ERC1: variants seen among roughly 807,000 people sequenced by gnomAD.
ERC1 encodes ELKS/RAB6-interacting/CAST family member 1.
ERC1 carries 56 observed loss-of-function variants against 132.0 expected under a neutral mutation model. The ratio of observed to expected loss-of-function variants is 0.42; its 90% CI spans 0.34 to 0.53. The LOEUF (loss-of-function observed/expected upper bound fraction) is 0.53. Ranked by LOEUF, ERC1 falls within the 20% of genes least tolerant of loss-of-function variation. The pLI is 0.03. For synonymous variants in ERC1, 478 were observed against 476.1 expected (o/e 1.00, Z -0.05); for missense variants, 1,202 against 1,349.9 (o/e 0.89, Z 1.72).
At chr12:1,072,687 AT>A (rs749906382) in intron 2 of ERC1, among the ~76,000 whole-genome samples, 44 of 151,920 alleles carry the variant, frequency 2.9e-4, no homozygotes, top group Middle Eastern at 3.2e-3. Context: ...CTGTGTTTTA[AT>A]TTTAATTTTT....
chr12:1,184,873 C>T (rs556562739), intron 11 of ERC1, among the ~76,000 whole-genome samples: 4 of 152,212 alleles, frequency 2.6e-5, no homozygotes, highest in African/African-American at 9.6e-5. Context: ...CTGCCTCATC[C>T]TCTTGAAGAG....
chr12:1,442,466 A>G (rs2093184032), intron 17 of ERC1, among the ~76,000 whole-genome samples: 1 of 152,150 alleles, frequency 6.6e-6, no homozygotes, highest in Non-Finnish European at 1.5e-5. Context: ...CCACAGCAGA[A>G]CTTTGGTGTT....
chr12:1,248,590 A>G (rs1268267360), intron 13 of ERC1, among the ~76,000 whole-genome samples: 1 of 152,226 alleles, frequency 6.6e-6, no homozygotes, highest in Non-Finnish European at 1.5e-5. Context: ...AAGGGACCTT[A>G]TAGGCCATGA....
chr12:1,330,693 A>G (rs151329228), intron 15 of ERC1, among the ~76,000 whole-genome samples: 43 of 152,164 alleles, frequency 2.8e-4, no homozygotes, highest in African/African-American at 9.6e-4. Context: ...ACATGCAGCC[A>G]TATCTTAAAG....
At chr12:1,093,942 A>AATATATTTTTCTAT (rs1943594201) in intron 3 of ERC1, among the ~76,000 whole-genome samples, 1 of 50,810 alleles carries the variant, frequency 2.0e-5, no homozygotes, top group Non-Finnish European at 4.5e-5. Flanking sequence ...TTTCTATATA[A>AATATATTTTTCTAT]ATATATATAT....
intron 15 of ERC1, among the ~76,000 whole-genome samples, chr12:1,320,333 A>G (rs2082027559): frequency 6.6e-6 from 1 of 152,196 alleles, no homozygotes; most frequent in Admixed American, 6.5e-5. Flanking sequence ...CCAAATGTGT[A>G]TGAAAGTGTG....
chr12:1,438,954 A>AAAAAAAATATATATATATAT (rs1015181197), intron 17 of ERC1, among the ~76,000 whole-genome samples: 1 of 143,580 alleles, frequency 7.0e-6, no homozygotes, highest in African/African-American at 2.6e-5. Flanking sequence ...TTTAAAAAAA[A>AAAAAAAATATATATATATAT]ATATATATAT....
At chr12:1,067,263 C>G (rs1327141547) in intron 2 of ERC1, among the ~76,000 whole-genome samples, 1 of 152,056 alleles carries the variant, frequency 6.6e-6, no homozygotes, top group Non-Finnish European at 1.5e-5. Context: ...GTGTAAAATG[C>G]CAGTGTTTCT....
At chr12:1,401,126 G>GA (rs1566776446) in intron 16 of ERC1, among the ~76,000 whole-genome samples, 40 of 149,324 alleles carry the variant, frequency 2.7e-4, no homozygotes, top group Non-Finnish European at 4.6e-4. Flanking sequence ...TAGTAGAGAC[G>GA]GGGTTTCACG....
chr12:1,156,989 T>C (rs1019486880), intron 8 of ERC1, among the ~76,000 whole-genome samples: 1 of 152,258 alleles, frequency 6.6e-6, no homozygotes, highest in African/African-American at 2.4e-5. Context: ...TTTAACTTCA[T>C]TTATGTATTT....
At chr12:1,001,074 T>C (rs1962164387) in intron 1 of ERC1, among the ~76,000 whole-genome samples, 1 of 152,126 alleles carries the variant, frequency 6.6e-6, no homozygotes, top group Non-Finnish European at 1.5e-5. Context: ...TGGCTAATTT[T>C]TGTTTTTAGT....
At chr12:1,295,435 G>A (rs1049482319) in intron 15 of ERC1, among the ~76,000 whole-genome samples, 8 of 152,100 alleles carry the variant, frequency 5.3e-5, no homozygotes, top group Admixed American at 2.6e-4. Context: ...ACTAGGCTAC[G>A]TGTTCACTGA....
In ERC1 at chr12:996,223, C is replaced by T. The variant is rs1402824951; in HGVS notation, c.-157+4901C>T. 3.0e-5 allele frequency among the ~76,000 whole-genome samples: 4 copies of T among 135,436 alleles called. No homozygotes were observed. In the East Asian group the frequency reaches 8.7e-4, roughly 29 times the overall value. 88.9% of individuals were successfully genotyped at this position (135,436 alleles called of 152,430 possible). On this transcript the variant is annotated intron_variant, in intron 1 of 18. Coordinates refer to ENST00000360905, the MANE Select transcript of ERC1 (RefSeq NM_178040.4). ...GCCTCAGCCTCCGGAGTAGCTGGGA[C>T]TACAGGTGCCCGCCACCATGCCTGG... is the stretch of plus-strand genomic sequence containing the variant.
At position 1,189,791 on chromosome 12, in the gene ERC1, G is replaced by A. The variant is rs1955519318; in HGVS notation, c.2158-68G>A. On this transcript the variant is annotated intron_variant, in intron 11 of 18. Coordinates refer to ENST00000360905, the MANE Select transcript of ERC1 (RefSeq NM_178040.4). ...TACTTAAATTGGAATATAAATCATTGTTTGGGACATGGTTTGCCCATTGCC... is the reference window on the plus strand; with the variant it reads ...TACTTAAATTGGAATATAAATCATTATTTGGGACATGGTTTGCCCATTGCC... The A allele has an allele frequency of 6.5e-6, 8 of 1,227,338 alleles. No homozygotes were observed. The East Asian group carries it at 1.9e-4, about 29-fold the overall frequency. The allele number at this position is 1,227,338 out of a possible 1,614,324, so 76.0% of individuals were successfully genotyped here.
intron 18 of ERC1, among the ~76,000 whole-genome samples, chr12:1,470,332 A>T (rs2093834085): frequency 6.6e-6 from 1 of 152,090 alleles, no homozygotes; most frequent in Non-Finnish European, 1.5e-5. Context: ...CTGGACGTGG[A>T]TCAGGCTTTG....
intron 15 of ERC1, 92 bp downstream of exon 15, chr12:1,290,104 A>T: frequency 9.1e-7 from 1 of 1,098,626 alleles, no homozygotes; most frequent in South Asian, 1.5e-5. Context: ...TTTTACCCCA[A>T]TACACTTACT....
chr12:1,237,033 G>A, intron 13 of ERC1, 129 bp downstream of exon 13: 1 of 1,095,432 alleles, frequency 9.1e-7, no homozygotes. Flanking sequence ...CTTCCTCTCA[G>A]ACCAACTGTT....
At chr12:1,041,958 A>G (rs1441403877) in intron 2 of ERC1, among the ~76,000 whole-genome samples, 2 of 152,146 alleles carry the variant, frequency 1.3e-5, no homozygotes, top group African/African-American at 4.8e-5. Context: ...CATGGTGGCC[A>G]GGCTGGTCTC....
At chr12:1,476,290 A>G (rs10848473) in intron 18 of ERC1, among the ~76,000 whole-genome samples, 58,356 of 150,314 alleles carry the variant, frequency 0.39, 11,999 homozygotes, top group African/African-American at 0.52. Context: ...GCGTGGTGGC[A>G]CTCTCCTGTA....
Sources: gnomAD v4.1 joint callset for allele counts (sites outside exome capture counted in the v4.1 genomes callset) on GRCh38, gnomAD v4.1.1 for gene constraint, MANE v1.5 for transcripts, NCBI Gene and HGNC (gene_info 2026-07-23, HGNC 2026-07-21) for gene names.